The following SGCZ variants were observed in gnomAD, a reference collection of about 807,000 sequenced individuals.
The protein encoded by SGCZ is zeta-sarcoglycan.
Under a neutral mutation model 41.3 loss-of-function variants are expected in SGCZ, and 40 were observed. The ratio of observed to expected loss-of-function variants is 0.97; its 90% CI spans 0.75 to 1.26. SGCZ has a LOEUF of 1.26. Ranked by LOEUF, SGCZ falls within the 50% of genes most tolerant of loss-of-function variation. SGCZ has a pLI of 0.00. For synonymous variants in SGCZ, 206 were observed against 137.5 expected, an observed-to-expected ratio of 1.50 and a Z score of -3.49; for missense variants, 552 against 369.8, an observed-to-expected ratio of 1.49 and a Z score of -4.04.
At chr8:15,155,316 G>A (rs1440653266) in intron 1 of SGCZ, among the ~76,000 whole-genome samples, 2 of 151,446 alleles carry the variant, frequency 1.3e-5, no homozygotes, top group African/African-American at 4.9e-5. Context: ...ATAAATAAGT[G>A]TTTCAGGTAA....
intron 2 of SGCZ, among the ~76,000 whole-genome samples, chr8:14,505,495 G>A (rs116733042): frequency 0.016 from 2,418 of 152,232 alleles, 60 homozygotes; most frequent in African/African-American, 0.055. Flanking sequence ...GAGAAATGGC[G>A]TGATAAGAGC....
intron 1 of SGCZ, among the ~76,000 whole-genome samples, chr8:14,870,818 C>T (rs150611437): frequency 5.7e-4 from 87 of 151,864 alleles, no homozygotes; most frequent in Middle Eastern, 3.4e-3. Context: ...AACAAACATA[C>T]GAAACAAGGC....
chr8:14,673,602 C>T lies in SGCZ; in HGVS notation c.40-118676G>A, dbSNP rs182049934. ...TTAAACCTCTCTTATTTATAAATTA[C>T]CCAGTCTCTGGCAATATTTTTATAG... On this transcript the variant is annotated intron_variant, in intron 1 of 7. Coordinates refer to ENST00000382080, the MANE Select transcript of SGCZ (RefSeq NM_139167.4). Among the ~76,000 whole-genome samples, 218 of 152,172 alleles carry T rather than the reference C, an allele frequency of 1.4e-3. 2 individuals are homozygous for T. The highest frequency in any genetic ancestry group is 5.1e-3 in the African/African-American group (212 of 41,534).
intron 1 of SGCZ, among the ~76,000 whole-genome samples, chr8:14,815,994 T>C (rs763587735): frequency 5.3e-5 from 8 of 152,218 alleles, no homozygotes; most frequent in Non-Finnish European, 8.8e-5. Flanking sequence ...TTTTAAATTT[T>C]CAAATCACTT....
In SGCZ at chr8:14,086,437, C is replaced by T. The variant is rs1215261839; in HGVS notation, c.*4006G>A. Among the ~76,000 whole-genome samples the T allele has an allele frequency of 6.6e-6, 1 of 151,628 alleles. No homozygotes were observed. The highest frequency in any genetic ancestry group is 2.4e-5 in the African/African-American group (1 of 41,402). On this transcript the variant is annotated 3_prime_UTR_variant, in exon 8 of 8. Transcript: ENST00000382080. The stretch of plus-strand genomic sequence containing the variant: ...CTATTTTTGTAAAACGAGGCATTCT[C>T]TGATTGAGTCATTCGATAGAATATG...
chr8:14,348,009 C>A (rs150500042), intron 2 of SGCZ, among the ~76,000 whole-genome samples: 4 of 152,178 alleles, frequency 2.6e-5, no homozygotes, highest in Non-Finnish European at 5.9e-5. Context: ...ATGCACGCTT[C>A]TCTACATACT....
intron 1 of SGCZ, among the ~76,000 whole-genome samples, chr8:15,087,093 C>T (rs116245153): frequency 1.3e-5 from 2 of 152,006 alleles, no homozygotes; most frequent in Non-Finnish European, 2.9e-5. Context: ...AAATCACATA[C>T]CCTCTCCGTA....
rs138652829 is a variant in SGCZ at position 14,814,643 on chromosome 8, G to A, written c.40-259717C>T. 1.1e-3 allele frequency among the ~76,000 whole-genome samples: 163 copies of A among 152,218 alleles called. 1 individual carries two copies. The highest frequency in any genetic ancestry group is 0.01 in the Middle Eastern group (3 of 294). Reference sequence around the variant, plus strand: ...AAGAGTTCAGAGAAGATGGGAGGACGCAAGCTGGGAATGAATTTCTTGCCA... The same window carrying A: ...AAGAGTTCAGAGAAGATGGGAGGACACAAGCTGGGAATGAATTTCTTGCCA... On this transcript the variant is annotated intron_variant, in intron 1 of 7. Transcript: ENST00000382080.
At chr8:14,169,999 T>G (rs1409809739) in intron 4 of SGCZ, among the ~76,000 whole-genome samples, 1 of 152,102 alleles carries the variant, frequency 6.6e-6, no homozygotes, top group Non-Finnish European at 1.5e-5. Flanking sequence ...ATCAGTAAGT[T>G]AAACACCCCA....
At chr8:14,465,026 G>A (rs967001747) in intron 2 of SGCZ, among the ~76,000 whole-genome samples, 3 of 151,604 alleles carry the variant, frequency 2.0e-5, no homozygotes, top group Non-Finnish European at 4.4e-5. Flanking sequence ...AAAGCCCCAT[G>A]TACCCTTGAG....
chr8:14,231,196 T>TGTGTGTGTGTGTGTGTGTGTG (rs1554483289), intron 4 of SGCZ, among the ~76,000 whole-genome samples: 9 of 101,402 alleles, frequency 8.9e-5, no homozygotes, highest in African/African-American at 1.9e-4. Context: ...TGTGTGTGTG[T>TGTGTGTGTGTGTGTGTGTGTG]AGTGGGGAGA....
intron 1 of SGCZ, among the ~76,000 whole-genome samples, chr8:14,909,409 G>A (rs1003240094): frequency 2.0e-5 from 3 of 151,876 alleles, no homozygotes; most frequent in Non-Finnish European, 2.9e-5. Context: ...ACGTTACAAC[G>A]TATTTCTCTT....
At chr8:14,275,512 CT>C (rs1800199071) in intron 3 of SGCZ, among the ~76,000 whole-genome samples, 1 of 152,140 alleles carries the variant, frequency 6.6e-6, no homozygotes, top group Non-Finnish European at 1.5e-5. Flanking sequence ...TGTTTGATCA[CT>C]CAGCACTTCT....
chr8:14,848,222 A>G (rs1803200835), intron 1 of SGCZ, among the ~76,000 whole-genome samples: 1 of 152,182 alleles, frequency 6.6e-6, no homozygotes, highest in South Asian at 2.1e-4. Context: ...GGCAAAATAA[A>G]GGAAGCCATA....
At chr8:14,098,134 T>C (rs1010602878) in intron 7 of SGCZ, among the ~76,000 whole-genome samples, 3 of 152,140 alleles carry the variant, frequency 2.0e-5, no homozygotes, top group African/African-American at 7.2e-5. Flanking sequence ...AGTAAATGAA[T>C]ACATTATAAA....
intron 1 of SGCZ, among the ~76,000 whole-genome samples, chr8:14,934,242 C>G (rs1341114330): frequency 1.3e-5 from 2 of 151,722 alleles, no homozygotes; most frequent in African/African-American, 4.9e-5. Context: ...TGAAAACTAC[C>G]AGAAAGAATA....
intron 2 of SGCZ, among the ~76,000 whole-genome samples, chr8:14,448,360 C>T (rs558033188): frequency 3.9e-5 from 6 of 152,238 alleles, no homozygotes; most frequent in African/African-American, 1.2e-4. Flanking sequence ...TTTACAGGTG[C>T]CAATTTCCTC....
At chr8:14,097,492 A>AGGAGT (rs1801881908) in intron 7 of SGCZ, among the ~76,000 whole-genome samples, 1 of 152,176 alleles carries the variant, frequency 6.6e-6, no homozygotes. Flanking sequence ...GCATTTGCTG[A>AGGAGT]GGAGTGTTTT....
At chr8:15,097,454 A>T (rs1806389984) in intron 1 of SGCZ, among the ~76,000 whole-genome samples, 1 of 151,966 alleles carries the variant, frequency 6.6e-6, no homozygotes, top group Non-Finnish European at 1.5e-5. Flanking sequence ...GTGAAAAAAA[A>T]ATCCCATTGC....
Sources: gnomAD v4.1 joint callset for allele counts (sites outside exome capture counted in the v4.1 genomes callset) on GRCh38, gnomAD v4.1.1 for gene constraint, MANE v1.5 for transcripts, NCBI Gene and HGNC (gene_info 2026-07-23, HGNC 2026-07-21) for gene names.